The following ATXN1 variants were observed in gnomAD, a reference collection of about 807,000 sequenced individuals.
ATXN1 encodes the protein ataxin-1.
In ATXN1, 8 loss-of-function variants were observed where a neutral mutation model predicts 56.4. That is an observed-to-expected ratio of 0.14 (90% CI 0.08 to 0.26). ATXN1 has a LOEUF of 0.26. Ranked by LOEUF, ATXN1 falls within the 10% of genes least tolerant of loss-of-function variation. The probability of loss-of-function intolerance (pLI) is 1.00; values close to 1 mark genes in which losing one functional copy is unlikely to be tolerated. For synonymous variants in ATXN1, 514 were observed against 494.6 expected (o/e 1.04, Z -0.52); for missense variants, 987 against 1,106.5 (o/e 0.89, Z 1.53).
chr6:16,749,406 G>A (rs1194260534), intron 2 of ATXN1, among the ~76,000 whole-genome samples: 2 of 152,188 alleles, frequency 1.3e-5, no homozygotes, highest in Non-Finnish European at 2.9e-5. Flanking sequence ...TTTGTTTAAC[G>A]AGATACCGCA....
At position 16,661,134 on chromosome 6, in the gene ATXN1, G is replaced by T. The variant is rs540676786; in HGVS notation, c.-614-3233C>A. Among the ~76,000 whole-genome samples the T allele has an allele frequency of 4.3e-4, 65 of 152,022 alleles. No homozygotes were observed. In the Middle Eastern group the frequency reaches 0.02, roughly 48 times the overall value. ...TTACAGATGTGAGCCACCGCACCTG[G>T]CCCAGGAAAAGGGTATTGTAATCAA... On this transcript the variant is annotated intron_variant, in intron 2 of 7. Transcript: ENST00000436367.
At chr6:16,500,420 T>G (rs1391996073) in intron 5 of ATXN1, among the ~76,000 whole-genome samples, 4 of 152,180 alleles carry the variant, frequency 2.6e-5, no homozygotes, top group Non-Finnish European at 5.9e-5. Flanking sequence ...AGTGTGGGCA[T>G]GTAATTTGGT....
intron 4 of ATXN1, among the ~76,000 whole-genome samples, chr6:16,555,018 C>T (rs1010165429): frequency 6.6e-6 from 1 of 152,234 alleles, no homozygotes; most frequent in Non-Finnish European, 1.5e-5. Flanking sequence ...ATCTCATACC[C>T]TGGGACTGAG....
chr6:16,597,595 C>A (rs948377149), intron 3 of ATXN1, among the ~76,000 whole-genome samples: 9 of 152,104 alleles, frequency 5.9e-5, no homozygotes, highest in African/African-American at 2.2e-4. Context: ...CATGCCACCA[C>A]ACTTGGCTAT....
intron 5 of ATXN1, among the ~76,000 whole-genome samples, chr6:16,509,088 T>C (rs1056660573): frequency 1.3e-5 from 2 of 151,878 alleles, no homozygotes; most frequent in African/African-American, 4.8e-5. Flanking sequence ...AGAATGGTGA[T>C]TACCAGGAGG....
intron 6 of ATXN1, among the ~76,000 whole-genome samples, chr6:16,346,401 A>T (rs1761388545): frequency 6.6e-6 from 1 of 152,142 alleles, no homozygotes; most frequent in African/African-American, 2.4e-5. Context: ...AGGGGCTGGG[A>T]AGATGGGAAT....
chr6:16,576,240 T>G (rs925573470), intron 4 of ATXN1, among the ~76,000 whole-genome samples: 8 of 152,244 alleles, frequency 5.3e-5, no homozygotes, highest in African/African-American at 1.9e-4. Context: ...GTCTCTTTAC[T>G]TAATTCAATT....
chr6:16,314,163 C>T (rs1020352454), intron 7 of ATXN1, among the ~76,000 whole-genome samples: 1 of 152,062 alleles, frequency 6.6e-6, no homozygotes, highest in African/African-American at 2.4e-5. Context: ...TGTACTTTTT[C>T]CCCCTTGGGG....
chr6:16,515,140 T>G (rs1487982785), intron 5 of ATXN1, among the ~76,000 whole-genome samples: 5 of 152,092 alleles, frequency 3.3e-5, no homozygotes, highest in South Asian at 2.1e-4. Flanking sequence ...AACTCTTTCT[T>G]TGTAGTGTCC....
intron 4 of ATXN1, among the ~76,000 whole-genome samples, chr6:16,577,945 T>C (rs1385034216): frequency 3.3e-5 from 5 of 152,296 alleles, no homozygotes; most frequent in African/African-American, 9.6e-5. Context: ...CCCTCAGATT[T>C]TGAGTGATTT....
chr6:16,541,495 G>C (rs1254870009), intron 4 of ATXN1, among the ~76,000 whole-genome samples: 1 of 152,174 alleles, frequency 6.6e-6, no homozygotes, highest in Admixed American at 6.5e-5. Flanking sequence ...AACCTCTGGT[G>C]ACCTGGTTTT....
intron 2 of ATXN1, among the ~76,000 whole-genome samples, chr6:16,731,367 G>A (rs1056199640): frequency 6.9e-6 from 1 of 145,884 alleles, no homozygotes; most frequent in African/African-American, 2.5e-5. Flanking sequence ...GCTGCAATGA[G>A]AAATGAGGGC....
intron 4 of ATXN1, among the ~76,000 whole-genome samples, chr6:16,542,472 G>A (rs1469315710): frequency 2.6e-5 from 4 of 152,046 alleles, no homozygotes; most frequent in Admixed American, 1.3e-4. Flanking sequence ...CAGTGCTCCC[G>A]GAGCCCTTCC....
intron 6 of ATXN1, among the ~76,000 whole-genome samples, chr6:16,401,748 T>C (rs1758578283): frequency 6.6e-6 from 1 of 152,236 alleles, no homozygotes; most frequent in Non-Finnish European, 1.5e-5. Flanking sequence ...CTGAATATTT[T>C]TCCCCTTTAG....
In ATXN1 at chr6:16,606,867, T is replaced by TTG. The variant is rs759331296; in HGVS notation, c.-488-20962_-488-20961dup. ...GGGGGAAAGTATACAGTTCCATGAG[T>TTG]TGTGTGTGTGTGTGTGTGTGTTGTT... On this transcript the variant is annotated intron_variant, in intron 3 of 7. Transcript: ENST00000436367. 3.5e-3 allele frequency among the ~76,000 whole-genome samples: 443 copies of TTG among 126,806 alleles called. 4 individuals carry two copies. The highest frequency in any genetic ancestry group is 0.01 in the African/African-American group (350 of 34,630). 83.2% of individuals were successfully genotyped at this position (126,806 alleles called of 152,430 possible).
Position 16,711,131 on chromosome 6 carries a change from T to A in ATXN1, c.-615+42102A>T, listed in dbSNP as rs180706997. Among the ~76,000 whole-genome samples, 9 of 152,266 alleles carry A rather than the reference T, an allele frequency of 5.9e-5. No individual in the cohort carries two copies. The East Asian group carries it at 1.5e-3, about 26-fold the overall frequency. On this transcript the variant is annotated intron_variant, in intron 2 of 7. Transcript: ENST00000436367. ...GTGGAACAGAGAGTCTTAAAACACATATAAAACCAAATGATTTTTGACAAA... is the reference window on the plus strand; with the variant it reads ...GTGGAACAGAGAGTCTTAAAACACAAATAAAACCAAATGATTTTTGACAAA...
At chr6:16,602,940 TATC>T (rs1442746761) in intron 3 of ATXN1, among the ~76,000 whole-genome samples, 1 of 152,178 alleles carries the variant, frequency 6.6e-6, no homozygotes, top group Non-Finnish European at 1.5e-5. Context: ...AAACAGGAAT[TATC>T]ATAATATAAT....
At chr6:16,615,729 A>C (rs1763194659) in intron 3 of ATXN1, 1 of 151,706 alleles carries the variant, frequency 6.6e-6, no homozygotes, top group Non-Finnish European at 1.5e-5. Context: ...AAAGTTAAAA[A>C]CAAGAGTCAA....
intron 5 of ATXN1, among the ~76,000 whole-genome samples, chr6:16,514,362 G>C (rs1264729737): frequency 1.3e-5 from 2 of 152,158 alleles, no homozygotes; most frequent in Non-Finnish European, 2.9e-5. Flanking sequence ...ATGTCCCAGA[G>C]CCATAGGGAG....
Sources: gnomAD v4.1 joint callset for allele counts (sites outside exome capture counted in the v4.1 genomes callset) on GRCh38, gnomAD v4.1.1 for gene constraint, MANE v1.5 for transcripts, NCBI Gene and HGNC (gene_info 2026-07-23, HGNC 2026-07-21) for gene names.